Variants in DLGAP1 observed in about 807,000 individuals in gnomAD.
DLGAP1 encodes the protein DLG associated protein 1.
Under a neutral mutation model 90.8 loss-of-function variants are expected in DLGAP1, and 11 were observed. The observed-to-expected ratio is 0.12, with a 90% CI of 0.08 to 0.20. DLGAP1 has a LOEUF of 0.20. DLGAP1 is among the 10% of genes least tolerant of loss of function. The probability of loss-of-function intolerance (pLI) is 1.00; values close to 1 mark genes in which losing one functional copy is unlikely to be tolerated. For missense variants in DLGAP1, 1,050 were observed against 1,333.8 expected, an observed-to-expected ratio of 0.79 and a Z score of 3.31; for synonymous variants, 558 against 540.7, an observed-to-expected ratio of 1.03 and a Z score of -0.44.
Position 3,742,498 on chromosome 18 carries a change from T to A in DLGAP1, c.1187A>T (p.His396Leu), listed in dbSNP as rs1207136126. Residue 396 changes from histidine to leucine, a missense_variant, in exon 6 of 13, where the codon CAC becomes CTC. Physicochemically the swap from His to Leu is moderately conservative, Grantham distance 99. This residue lies in a region of DLGAP1 where 565 missense variants were observed against 879.7 expected (regional missense o/e 0.64). Coordinates refer to ENST00000315677, the MANE Select transcript of DLGAP1 (RefSeq NM_004746.4). ...ACTCCGGATCTGGAGTTTGGGTGAGTGTTCATTGGAGATTCTGGAAGGGAA... is the reference window on the plus strand; with the variant it reads ...ACTCCGGATCTGGAGTTTGGGTGAGAGTTCATTGGAGATTCTGGAAGGGAA... Reference protein sequence around the residue: ...ELTTLKISNEHSPKLQIRSHS... With the variant: ...ELTTLKISNELSPKLQIRSHS... 6.2e-7 allele frequency: 1 copy of A among 1,614,060 alleles called. No homozygotes were observed. The highest frequency in any genetic ancestry group is 8.5e-7 in the Non-Finnish European group (1 of 1,179,996).
intron 3 of DLGAP1, among the ~76,000 whole-genome samples, chr18:3,899,508 T>C (rs542885098): frequency 1.3e-5 from 2 of 152,218 alleles, no homozygotes; most frequent in Non-Finnish European, 2.9e-5. Context: ...ATTAACTTCA[T>C]ATTTGAGGAA....
At chr18:3,989,085 TC>T (rs2073907977) in intron 3 of DLGAP1, among the ~76,000 whole-genome samples, 1 of 152,140 alleles carries the variant, frequency 6.6e-6, no homozygotes, top group South Asian at 2.1e-4. Context: ...CTTTTGCTTC[TC>T]CCTCCCAGGA....
rs2062355054 is a variant in DLGAP1, at chr18:3,729,831, T to C, written c.1351-456A>G. On this transcript the variant is annotated intron_variant, in intron 6 of 12. Coordinates refer to ENST00000315677, the MANE Select transcript of DLGAP1 (RefSeq NM_004746.4). This position sits in a 1 kb window ranked among gnomAD's most constrained non-coding sequence, Gnocchi z 6.2. ...TTGGAGAAGAATTTTACCAGTCCAT[T>C]GTCAGAGTTCATGTATTTTGGTATC... Among the ~76,000 whole-genome samples, 1 of 152,218 alleles carries C rather than the reference T, an allele frequency of 6.6e-6. No individual in the cohort carries two copies. The highest frequency in any genetic ancestry group is 1.5e-5 in the Non-Finnish European group (1 of 68,046).
intron 3 of DLGAP1, among the ~76,000 whole-genome samples, chr18:3,898,030 G>A (rs376479868): frequency 0.027 from 4,024 of 151,572 alleles, 75 homozygotes; most frequent in Non-Finnish European, 0.038. Context: ...TCCTGACCTC[G>A]TGATCCGCCC....
At chr18:3,657,026 G>C (rs563941929) in intron 7 of DLGAP1, among the ~76,000 whole-genome samples, 1 of 152,146 alleles carries the variant, frequency 6.6e-6, no homozygotes, top group Non-Finnish European at 1.5e-5. Context: ...GATTACAGGC[G>C]TGAGCCACCA....
intron 4 of DLGAP1, chr18:3,878,338 T>A (rs2071055901): frequency 6.6e-6 from 1 of 152,106 alleles, no homozygotes; most frequent in Non-Finnish European, 1.5e-5. Flanking sequence ...CCAGGTAACA[T>A]CTGGTTTCAG....
At chr18:4,164,714 A>G (rs2076904786) in intron 1 of DLGAP1, among the ~76,000 whole-genome samples, 1 of 152,124 alleles carries the variant, frequency 6.6e-6, no homozygotes, top group South Asian at 2.1e-4. Context: ...AAGCAACAAC[A>G]ACAACAACCA....
Position 3,595,857 on chromosome 18 carries a change from C to A in DLGAP1, c.1592-13609G>T, listed in dbSNP as rs548211827. Among the ~76,000 whole-genome samples the A allele has an allele frequency of 1.9e-3, 290 of 152,290 alleles. 3 individuals carry two copies. Among genetic ancestry groups the A allele is most frequent in the African/African-American group, 6.8e-3 (282 of 41,556 alleles). ...TCCATTACTTTATATGAAGTGATTT[C>A]TACTGCTGAGTCAGACAGAACACTT... is the stretch of plus-strand genomic sequence containing the variant. On this transcript the variant is annotated intron_variant, in intron 7 of 12. Transcript: ENST00000315677.
intron 5 of DLGAP1, among the ~76,000 whole-genome samples, chr18:3,813,597 C>T (rs992036271): frequency 6.6e-6 from 1 of 152,110 alleles, no homozygotes; most frequent in African/African-American, 2.4e-5. Flanking sequence ...TTTTAAAGCA[C>T]GGTCACACTC....
At chr18:3,946,296 G>C (rs746218298) in intron 3 of DLGAP1, among the ~76,000 whole-genome samples, 2 of 152,150 alleles carry the variant, frequency 1.3e-5, no homozygotes, top group African/African-American at 2.4e-5. Flanking sequence ...CAATGTGGTG[G>C]ACAGACATGA....
intron 9 of DLGAP1, among the ~76,000 whole-genome samples, chr18:3,552,400 C>G (rs1477569217): frequency 6.6e-6 from 1 of 152,162 alleles, no homozygotes; most frequent in Non-Finnish European, 1.5e-5. Flanking sequence ...CTTATCCTCT[C>G]TAATCCTCAC....
At chr18:4,330,233 T>C (rs1259788116) in intron 1 of DLGAP1, among the ~76,000 whole-genome samples, 2 of 149,462 alleles carry the variant, frequency 1.3e-5, no homozygotes, top group Non-Finnish European at 2.9e-5. Context: ...CTTGATATTA[T>C]TAATTTGTAT....
intron 2 of DLGAP1, among the ~76,000 whole-genome samples, chr18:4,048,356 T>G (rs1354227017): frequency 2.0e-5 from 3 of 152,204 alleles, no homozygotes; most frequent in African/African-American, 7.2e-5. Context: ...GCAATGAAAT[T>G]CAAATTTTGC....
chr18:3,678,947 G>C (rs1028235040), intron 7 of DLGAP1, among the ~76,000 whole-genome samples: 1 of 152,172 alleles, frequency 6.6e-6, no homozygotes, highest in Non-Finnish European at 1.5e-5. Context: ...GAATGAAGAG[G>C]AACAGCTATA....
chr18:3,879,420 C>A lies in DLGAP1; in HGVS notation c.649G>T (p.Ala217Ser). 1 of 1,610,482 alleles carries A rather than the reference C, an allele frequency of 6.2e-7. No individual in the cohort carries two copies. Among genetic ancestry groups the A allele is most frequent in the Non-Finnish European group, 8.5e-7 (1 of 1,179,964 alleles). Residue 217 changes from alanine (A) to serine (S), a missense_variant, in exon 4 of 13, where the codon GCC (alanine) becomes TCC (serine). By Grantham distance (99) the Ala-to-Ser change is moderately conservative. Around this residue, in one of 2 missense-constraint regions of DLGAP1, gnomAD observed 485 missense variants for 454.1 expected, o/e 1.07. Coordinates refer to ENST00000315677, the MANE Select transcript of DLGAP1 (RefSeq NM_004746.4). The surrounding 1 kb of genome is among the most constrained non-coding windows in gnomAD (Gnocchi z 6.6). ...CCCATGGTCATCACGCCCGAGGGGG[C>A]GTGGTAGATGCACATGTCACCATCC... ...NLDGDMCIYHAPSGVMTMGRC... is the reference protein window; with the variant it reads ...NLDGDMCIYHSPSGVMTMGRC...
chr18:3,724,327 T>C (rs994415259), intron 7 of DLGAP1, among the ~76,000 whole-genome samples: 4 of 151,806 alleles, frequency 2.6e-5, no homozygotes, highest in Admixed American at 6.6e-5. Flanking sequence ...GAGCAAAATA[T>C]AGCACACAGG....
intron 7 of DLGAP1, among the ~76,000 whole-genome samples, chr18:3,662,107 AAT>A (rs756243570): frequency 8.4e-5 from 12 of 143,474 alleles, no homozygotes; most frequent in East Asian, 8.2e-4. Context: ...TTAAAAAAAA[AAT>A]TTTTTTTAAA....
chr18:3,568,959 T>C (rs915235750), intron 8 of DLGAP1, among the ~76,000 whole-genome samples: 4 of 151,812 alleles, frequency 2.6e-5, no homozygotes, highest in Non-Finnish European at 5.9e-5. Context: ...GTGCTGGGAT[T>C]ACAGCCATGA....
chr18:4,289,733 T>A (rs547522296), intron 1 of DLGAP1, among the ~76,000 whole-genome samples: 2 of 152,316 alleles, frequency 1.3e-5, no homozygotes, highest in African/African-American at 2.4e-5. Flanking sequence ...GTTTAAATTT[T>A]AAATTTTTAA....
Sources: allele counts gnomAD v4.1 joint callset (sites outside exome capture counted in the v4.1 genomes callset), GRCh38; gene constraint gnomAD v4.1.1; regional missense constraint gnomAD v4.1.1; non-coding constraint Gnocchi (gnomAD v3.1); transcripts MANE v1.5; gene names NCBI Gene and HGNC (gene_info 2026-07-23, HGNC 2026-07-21).